Variants in MDGA2 observed in about 807,000 individuals in gnomAD.
MDGA2 encodes MAM domain containing glycosylphosphatidylinositol anchor 2.
In MDGA2, 40 loss-of-function variants were observed where a neutral mutation model predicts 117.8. The ratio of observed to expected loss-of-function variants is 0.34; its 90% CI spans 0.26 to 0.44. The LOEUF is 0.44. Among genes scored for constraint, MDGA2 ranks in the 20% least tolerant of loss-of-function variants. The pLI, the probability that MDGA2 is intolerant of heterozygous loss-of-function variation, is 1.00. For synonymous variants in MDGA2, 452 were observed against 439.0 expected (o/e 1.03, Z -0.37); for missense variants, 1,123 against 1,250.6 (o/e 0.90, Z 1.54).
At chr14:47,421,507 A>C (rs1892578847) in intron 1 of MDGA2, among the ~76,000 whole-genome samples, 1 of 152,192 alleles carries the variant, frequency 6.6e-6, no homozygotes, top group Non-Finnish European at 1.5e-5. Context: ...ACAAACAAAA[A>C]CAAAAGCAAA....
chr14:46,941,389 T>C (rs1047454511), intron 9 of MDGA2, among the ~76,000 whole-genome samples: 4 of 152,140 alleles, frequency 2.6e-5, no homozygotes, highest in Non-Finnish European at 5.9e-5. Context: ...TGTCACAAAA[T>C]CTCTCTTGAT....
intron 1 of MDGA2, among the ~76,000 whole-genome samples, chr14:47,635,398 C>T (rs1166941191): frequency 6.6e-6 from 1 of 152,056 alleles, no homozygotes; most frequent in Admixed American, 6.5e-5. Flanking sequence ...TTTATTCTCT[C>T]CTAATTTTTA....
intron 1 of MDGA2, among the ~76,000 whole-genome samples, chr14:47,466,409 T>G (rs1430547535): frequency 6.6e-6 from 1 of 152,106 alleles, no homozygotes; most frequent in African/African-American, 2.4e-5. Flanking sequence ...TGGGTCTATG[T>G]GAAAACCGAA....
At position 46,920,875 on chromosome 14, in the gene MDGA2, T is replaced by C. The variant is rs141907446; in HGVS notation, c.2090-715A>G. ...GCTTTCATCAATAAAGTGAACTTAA[T>C]AAAACTTAAAACAATTAATTAATAA... On this transcript the variant is annotated intron_variant, in intron 9 of 16. Transcript: ENST00000399232. Among the ~76,000 whole-genome samples the C allele has an allele frequency of 3.2e-3, 488 of 152,316 alleles. 5 individuals carry two copies. The highest frequency in any genetic ancestry group is 0.011 in the African/African-American group (454 of 41,578).
chr14:46,839,655 T>C (rs80343619), downstream of MDGA2, among the ~76,000 whole-genome samples: 1 of 151,970 alleles, frequency 6.6e-6, no homozygotes, highest in East Asian at 1.9e-4. Context: ...GCCCCAGATA[T>C]TGTGTACTTG....
At chr14:47,478,569 T>A (rs1457588537) in intron 1 of MDGA2, among the ~76,000 whole-genome samples, 5 of 152,006 alleles carry the variant, frequency 3.3e-5, no homozygotes, top group Non-Finnish European at 5.9e-5. Flanking sequence ...AGAGATGGGG[T>A]TTCACCATGT....
intron 10 of MDGA2, among the ~76,000 whole-genome samples, chr14:46,916,448 T>A (rs903239320): frequency 6.6e-6 from 1 of 152,092 alleles, no homozygotes; most frequent in African/African-American, 2.4e-5. Flanking sequence ...CCTATTTCCA[T>A]TAATGCCTTT....
rs144507066 is a variant in MDGA2 at position 47,053,313 on chromosome 14, G to A, written c.1525+7936C>T. ...TAATACAATTACTTGTGAAGTCTATGTTTTAGTTCTGACCTTTTCCTGATC... is the reference window on the plus strand; with the variant it reads ...TAATACAATTACTTGTGAAGTCTATATTTTAGTTCTGACCTTTTCCTGATC... On this transcript the variant is annotated intron_variant, in intron 7 of 16. Coordinates refer to ENST00000399232, the MANE Select transcript of MDGA2 (RefSeq NM_001113498.3). 1.6e-4 allele frequency among the ~76,000 whole-genome samples: 24 copies of A among 151,782 alleles called. No homozygotes were observed. The East Asian group carries it at 4.7e-3, about 29-fold the overall frequency.
At chr14:46,976,570 T>C (rs1886467679) in intron 8 of MDGA2, among the ~76,000 whole-genome samples, 1 of 151,802 alleles carries the variant, frequency 6.6e-6, no homozygotes, top group African/African-American at 2.4e-5. Flanking sequence ...TAAAAACCAA[T>C]CTATGAATAA....
At chr14:47,153,020 A>T (rs1245639850) in intron 3 of MDGA2, among the ~76,000 whole-genome samples, 1 of 152,246 alleles carries the variant, frequency 6.6e-6, no homozygotes, top group African/African-American at 2.4e-5. Context: ...TATCCAGCAA[A>T]GCTAGAAAAG....
rs36042383 is a variant in MDGA2, at chr14:47,351,078, A to ATTT, written c.281-49531_281-49529dup. On this transcript the variant is annotated intron_variant, in intron 1 of 16. Transcript: ENST00000399232. ...AGGTCAGTGCCACCAGGCCCGGCTA[A>ATTT]TTTTTTTTTTTTTTTTTGAAACGAA... 6.0e-4 allele frequency among the ~76,000 whole-genome samples: 77 copies of ATTT among 127,944 alleles called. 2 individuals are homozygous for ATTT. The highest frequency in any genetic ancestry group is 1.2e-3 in the African/African-American group (42 of 35,190). 83.9% of individuals were successfully genotyped at this position (127,944 alleles called of 152,430 possible). A position where few individuals can be genotyped will look rare whatever the true frequency, so the allele number is the denominator to read the frequency against.
chr14:47,078,420 C>G (rs1224384530), intron 6 of MDGA2, among the ~76,000 whole-genome samples: 1 of 152,098 alleles, frequency 6.6e-6, no homozygotes, highest in Non-Finnish European at 1.5e-5. Flanking sequence ...CTTCAACAGT[C>G]AAGCCGAGAC....
At chr14:47,360,981 T>C (rs182381266) in intron 1 of MDGA2, among the ~76,000 whole-genome samples, 7 of 152,246 alleles carry the variant, frequency 4.6e-5, no homozygotes, top group Admixed American at 2.0e-4. Context: ...GTTGTAGTTA[T>C]GTGGGACTAA....
intron 10 of MDGA2, among the ~76,000 whole-genome samples, chr14:46,917,834 C>T (rs1883961534): frequency 6.6e-6 from 1 of 151,932 alleles, no homozygotes; most frequent in South Asian, 2.1e-4. Flanking sequence ...TAGCATTTCC[C>T]AGCAAAAAAT....
intron 5 of MDGA2, among the ~76,000 whole-genome samples, chr14:47,109,595 T>G (rs1880924599): frequency 6.6e-6 from 1 of 152,184 alleles, no homozygotes; most frequent in Non-Finnish European, 1.5e-5. Context: ...AAGTTGAATT[T>G]AAAAATTATT....
intron 1 of MDGA2, among the ~76,000 whole-genome samples, chr14:47,509,681 G>C (rs1205340692): frequency 6.6e-6 from 1 of 152,156 alleles, no homozygotes; most frequent in Admixed American, 6.5e-5. Flanking sequence ...TATTCCTAAG[G>C]ATTAAGATCT....
intron 8 of MDGA2, among the ~76,000 whole-genome samples, chr14:46,984,549 T>G (rs554488237): frequency 6.6e-6 from 1 of 152,112 alleles, no homozygotes; most frequent in African/African-American, 2.4e-5. Flanking sequence ...TGGTTTCCAG[T>G]GGATTCTTGT....
chr14:47,107,747 A>C (rs1880797093), intron 5 of MDGA2, among the ~76,000 whole-genome samples: 2 of 151,176 alleles, frequency 1.3e-5, no homozygotes, highest in South Asian at 2.1e-4. Context: ...GAATTTTTAC[A>C]CAAGAGCCAG....
intron 1 of MDGA2, among the ~76,000 whole-genome samples, chr14:47,646,805 T>C (rs752687696): frequency 6.6e-6 from 1 of 152,206 alleles, no homozygotes; most frequent in Non-Finnish European, 1.5e-5. Context: ...CCATTTTATG[T>C]AAAATGAAAT....
Sources: gnomAD v4.1 joint callset for allele counts (sites outside exome capture counted in the v4.1 genomes callset) on GRCh38, gnomAD v4.1.1 for gene constraint, MANE v1.5 for transcripts, NCBI Gene and HGNC (gene_info 2026-07-23, HGNC 2026-07-21) for gene names.